Variants in SLC35F1 observed in about 807,000 individuals in gnomAD.
The protein encoded by SLC35F1 is chromosome 6 open reading frame 169.
In SLC35F1, 14 loss-of-function variants were observed where a neutral mutation model predicts 48.7. The observed-to-expected ratio is 0.29, with a 90% CI of 0.19 to 0.45. The LOEUF (loss-of-function observed/expected upper bound fraction) is 0.45, where lower values mean the gene tolerates loss of function less well. Ranked by LOEUF, SLC35F1 falls within the 20% of genes least tolerant of loss-of-function variation. SLC35F1 has a pLI of 1.00. For synonymous variants in SLC35F1, 190 were observed against 202.2 expected (o/e 0.94, Z 0.51); for missense variants, 404 against 500.0 (o/e 0.81, Z 1.83).
intron 1 of SLC35F1, among the ~76,000 whole-genome samples, chr6:118,023,365 C>T (rs1237041478): frequency 6.6e-6 from 1 of 152,036 alleles, no homozygotes; most frequent in African/African-American, 2.4e-5. Flanking sequence ...GAGTGTGGCC[C>T]TGTGTGGCTC....
chr6:118,252,373 TA>T (rs1318142994), intron 3 of SLC35F1, among the ~76,000 whole-genome samples: 1 of 151,866 alleles, frequency 6.6e-6, no homozygotes, highest in Non-Finnish European at 1.5e-5. Context: ...ATAGAGGGGA[TA>T]GGGGAAGTTG....
At chr6:118,264,970 C>T (rs1458605558) in intron 3 of SLC35F1, among the ~76,000 whole-genome samples, 1 of 152,236 alleles carries the variant, frequency 6.6e-6, no homozygotes, top group East Asian at 1.9e-4. Context: ...CCTGTAGCCC[C>T]TCCAAGAGTG....
At chr6:118,250,209 CT>C (rs550292962) in intron 3 of SLC35F1, among the ~76,000 whole-genome samples, 189 of 152,270 alleles carry the variant, frequency 1.2e-3, no homozygotes, top group African/African-American at 4.2e-3. Context: ...ACTGCCTCCC[CT>C]CTCCCCTGTT....
chr6:117,934,502 C>T (rs1022786784), intron 1 of SLC35F1, among the ~76,000 whole-genome samples: 5 of 152,204 alleles, frequency 3.3e-5, no homozygotes, highest in Non-Finnish European at 7.3e-5. Flanking sequence ...AGGTTTACCT[C>T]ACTTTGCACA....
intron 1 of SLC35F1, among the ~76,000 whole-genome samples, chr6:118,114,917 G>A (rs1773456769): frequency 6.6e-6 from 1 of 152,126 alleles, no homozygotes; most frequent in Non-Finnish European, 1.5e-5. Context: ...CACACTGTGG[G>A]AATTAAGTTT....
At chr6:117,978,420 G>T (rs184063391) in intron 1 of SLC35F1, among the ~76,000 whole-genome samples, 1 of 151,954 alleles carries the variant, frequency 6.6e-6, no homozygotes, top group African/African-American at 2.4e-5. Context: ...TGGATTAGTC[G>T]TTCCCTTTTT....
chr6:118,141,943 T>C (rs1235813264), intron 1 of SLC35F1, among the ~76,000 whole-genome samples: 1 of 152,212 alleles, frequency 6.6e-6, no homozygotes, highest in African/African-American at 2.4e-5. Flanking sequence ...TTTTCCTTCT[T>C]TGTTCTTAAA....
chr6:118,015,376 G>A (rs1394588134), intron 1 of SLC35F1, among the ~76,000 whole-genome samples: 1 of 151,950 alleles, frequency 6.6e-6, no homozygotes, highest in Non-Finnish European at 1.5e-5. Context: ...TTGTGGTACA[G>A]ATTATTTTGT....
chr6:118,022,690 A>C (rs978908203), intron 1 of SLC35F1, among the ~76,000 whole-genome samples: 11 of 152,030 alleles, frequency 7.2e-5, no homozygotes, highest in Non-Finnish European at 1.3e-4. Context: ...AGTGCTGAGC[A>C]CTTGTCAGGG....
chr6:118,084,594 G>A (rs1772957935), intron 1 of SLC35F1, among the ~76,000 whole-genome samples: 1 of 152,098 alleles, frequency 6.6e-6, no homozygotes, highest in Admixed American at 6.5e-5. Context: ...GGTACAGTAT[G>A]TGGTGTGCTT....
At chr6:118,227,473 G>A (rs979468816) in intron 2 of SLC35F1, among the ~76,000 whole-genome samples, 2 of 152,060 alleles carry the variant, frequency 1.3e-5, no homozygotes, top group Non-Finnish European at 2.9e-5. Flanking sequence ...CAAAAGTGTT[G>A]GTTTGTGTTG....
intron 1 of SLC35F1, among the ~76,000 whole-genome samples, chr6:118,077,076 T>G (rs540711097): frequency 9.2e-5 from 14 of 152,236 alleles, no homozygotes; most frequent in Non-Finnish European, 1.9e-4. Flanking sequence ...CAGATTAATC[T>G]TTGAAGAACT....
chr6:118,169,477 T>C (rs1339163850), intron 2 of SLC35F1, among the ~76,000 whole-genome samples: 1 of 152,224 alleles, frequency 6.6e-6, no homozygotes, highest in Non-Finnish European at 1.5e-5. Context: ...TATTGACTGA[T>C]GCATAGTTGT....
chr6:117,952,822 C>T (rs902657320), intron 1 of SLC35F1, among the ~76,000 whole-genome samples: 1 of 152,144 alleles, frequency 6.6e-6, no homozygotes, highest in Non-Finnish European at 1.5e-5. Context: ...TTTTAGCCTA[C>T]CAGAACTAAA....
intron 4 of SLC35F1, among the ~76,000 whole-genome samples, chr6:118,273,551 T>G (rs969052934): frequency 2.0e-5 from 3 of 152,224 alleles, no homozygotes; most frequent in Non-Finnish European, 4.4e-5. Context: ...TAGTTATAGA[T>G]ACATTCTATT....
chr6:118,256,478 G>T (rs1775648098), intron 3 of SLC35F1, among the ~76,000 whole-genome samples: 1 of 152,156 alleles, frequency 6.6e-6, no homozygotes, highest in South Asian at 2.1e-4. Flanking sequence ...GCCTGTGATA[G>T]CCAGAGGGGA....
At chr6:118,008,444 A>T (rs1449184620) in intron 1 of SLC35F1, among the ~76,000 whole-genome samples, 2 of 152,180 alleles carry the variant, frequency 1.3e-5, no homozygotes, top group African/African-American at 4.8e-5. Flanking sequence ...TGGGGTCAAT[A>T]TTTAAATTAA....
Position 117,954,037 on chromosome 6 carries a change from A to G in SLC35F1, c.173+46138A>G, listed in dbSNP as rs139172707. Among the ~76,000 whole-genome samples the G allele has an allele frequency of 2.1e-3, 321 of 152,330 alleles. 2 individuals carry two copies. The highest frequency in any genetic ancestry group is 7.2e-3 in the African/African-American group (299 of 41,576). ...ATTTCAAAGTATAGTCTTAGGTTGTATAAGCAATTATGAAGAAAACCTCAG... is the reference window on the plus strand; with the variant it reads ...ATTTCAAAGTATAGTCTTAGGTTGTGTAAGCAATTATGAAGAAAACCTCAG... On this transcript the variant is annotated intron_variant, in intron 1 of 7. Transcript: ENST00000360388.
chr6:117,932,216 T>A (rs1413852075), intron 1 of SLC35F1, among the ~76,000 whole-genome samples: 1 of 152,242 alleles, frequency 6.6e-6, no homozygotes, highest in African/African-American at 2.4e-5. Context: ...GCACCTGGAA[T>A]GTGGATTTCC....
Sources: gnomAD v4.1 joint callset for allele counts (sites outside exome capture counted in the v4.1 genomes callset) on GRCh38, gnomAD v4.1.1 for gene constraint, MANE v1.5 for transcripts, NCBI Gene and HGNC (gene_info 2026-07-23, HGNC 2026-07-21) for gene names.